The following COG3 variants were observed in gnomAD, a reference collection of about 807,000 sequenced individuals.
COG3 encodes the protein component of oligomeric golgi complex 3, also known as conserved oligomeric Golgi complex subunit 3.
In COG3, 32 loss-of-function variants were observed where a neutral mutation model predicts 114.1. The observed-to-expected ratio is 0.28, with a 90% CI of 0.21 to 0.38. The LOEUF is 0.38. Ranked by LOEUF, COG3 falls within the 10% of genes least tolerant of loss-of-function variation. COG3 has a pLI of 1.00. For missense variants in COG3, 813 were observed against 973.2 expected (o/e 0.84, Z 2.19); for synonymous variants, 352 against 365.7 (o/e 0.96, Z 0.43).
chr13:45,467,517 A>T (rs61953475), intron 1 of COG3, among the ~76,000 whole-genome samples: 1 of 151,400 alleles, frequency 6.6e-6, no homozygotes, highest in Admixed American at 6.6e-5. Flanking sequence ...ACTTGAACCC[A>T]GAAGGCAGAG....
In COG3 at chr13:45,491,439, C is replaced by G. The variant is rs974396451; in HGVS notation, c.996C>G (p.His332Gln). The G allele has an allele frequency of 6.2e-7, 1 of 1,612,272 alleles. No homozygotes were observed. The highest frequency in any genetic ancestry group is 1.3e-5 in the African/African-American group (1 of 74,840). Residue 332 changes from histidine (H) to glutamine (Q), a missense_variant, in exon 10 of 23, where the codon CAC becomes CAG. Transcript: ENST00000349995. ...ACCAACAACTGCTAAATGATATCCA[C>G]CAGTGTTACCTTGATCAGCGGGAGC... ...PEYQQLLNDI[H>Q]QCYLDQRELL...
chr13:45,526,327 C>G (rs1872693151), intron 20 of COG3, among the ~76,000 whole-genome samples: 1 of 151,740 alleles, frequency 6.6e-6, no homozygotes, highest in South Asian at 2.1e-4. Context: ...CTCAGGCGAT[C>G]CGCCCACCTC....
chr13:45,512,028 C>G, intron 16 of COG3, 174 bp downstream of exon 16: 1 of 591,126 alleles, frequency 1.7e-6, no homozygotes, highest in South Asian at 2.0e-5. Flanking sequence ...TAAATAAAGA[C>G]TGTACTATAT....
intron 1 of COG3, chr13:45,466,586 A>G (rs906498917): frequency 6.6e-6 from 1 of 152,200 alleles, no homozygotes; most frequent in Non-Finnish European, 1.5e-5. Context: ...TCAGCTATCA[A>G]ACTCTTTTAT....
At chr13:45,470,816 C>G (rs1323684249) in intron 1 of COG3, among the ~76,000 whole-genome samples, 2 of 152,184 alleles carry the variant, frequency 1.3e-5, no homozygotes, top group East Asian at 3.9e-4. Context: ...TAGTGGTTGC[C>G]TTAGGATTTA....
chr13:45,529,967 T>G lies in COG3; in HGVS notation c.2358+49T>G, dbSNP rs192650444. On this transcript the variant is annotated intron_variant, in intron 21 of 22. Coordinates refer to ENST00000349995, the MANE Select transcript of COG3 (RefSeq NM_031431.4). ...AATGTTGGCGGGTGACTTCAAGTATTCTTTGCCTCATTTACCATTTTCCTT... is the reference window on the plus strand; with the variant it reads ...AATGTTGGCGGGTGACTTCAAGTATGCTTTGCCTCATTTACCATTTTCCTT... The G allele has an allele frequency of 9.0e-6, 14 of 1,561,332 alleles. No individual in the cohort carries two copies. The Admixed American group carries it at 1.8e-4, about 20-fold the overall frequency.
In COG3 at chr13:45,483,212, T is replaced by C. The variant is rs367601870; in HGVS notation, c.718-18T>C. On this transcript the variant is annotated intron_variant, in intron 6 of 22. Transcript: ENST00000349995. ...TGTGTTCATTTCCACTTTGTAAATC[T>C]TTCTCTTTTCCTTACAGCCTAATTT... The C allele has an allele frequency of 1.9e-5, 29 of 1,567,336 alleles. No homozygotes were observed. In the African/African-American group the frequency reaches 3.5e-4, roughly 19 times the overall value.
At chr13:45,505,205 A>G (rs1415625515) in intron 14 of COG3, among the ~76,000 whole-genome samples, 1 of 151,966 alleles carries the variant, frequency 6.6e-6, no homozygotes, top group African/African-American at 2.4e-5. Context: ...AAAAAAAAAA[A>G]GGAAAATATC....
At chr13:45,502,569 A>G (rs1472169897) in intron 13 of COG3, among the ~76,000 whole-genome samples, 1 of 152,046 alleles carries the variant, frequency 6.6e-6, no homozygotes, top group Non-Finnish European at 1.5e-5. Context: ...ACGTGGAATG[A>G]GTGGACTGGC....
chr13:45,493,876 T>C (rs1278342943), intron 12 of COG3: 1 of 154,428 alleles, frequency 6.5e-6, no homozygotes, highest in Non-Finnish European at 1.4e-5. Context: ...GTTTTGTGTA[T>C]ATTCATAATA....
At chr13:45,500,001 G>C (rs1418216808) in intron 13 of COG3, among the ~76,000 whole-genome samples, 1 of 151,664 alleles carries the variant, frequency 6.6e-6, no homozygotes, top group Non-Finnish European at 1.5e-5. Flanking sequence ...CTGGGTCACA[G>C]AGTGAGACAC....
chr13:45,514,837 G>A (rs1221086931), intron 16 of COG3, among the ~76,000 whole-genome samples: 5 of 151,754 alleles, frequency 3.3e-5, no homozygotes, highest in Non-Finnish European at 7.4e-5. Flanking sequence ...TAGTAGAGAC[G>A]GGGTTTCACC....
intron 1 of COG3, among the ~76,000 whole-genome samples, chr13:45,472,117 T>C (rs889165616): frequency 1.4e-5 from 2 of 147,566 alleles, no homozygotes; most frequent in African/African-American, 5.0e-5. Context: ...AGTTGAGTGT[T>C]TTTCTTTTGG....
chr13:45,484,662 G>C (rs1374839747), intron 7 of COG3, among the ~76,000 whole-genome samples: 1 of 145,444 alleles, frequency 6.9e-6, no homozygotes, highest in Non-Finnish European at 1.5e-5. Flanking sequence ...GGATTTGGCA[G>C]GGTCATGGGA....
At chr13:45,488,256 T>C (rs906733649) in intron 8 of COG3, among the ~76,000 whole-genome samples, 6 of 152,100 alleles carry the variant, frequency 3.9e-5, no homozygotes, top group Non-Finnish European at 7.4e-5. Context: ...GAGAGGTTGG[T>C]TAATGGGTAT....
In COG3 at chr13:45,518,833, A is replaced by C; in HGVS notation, c.2002A>C (p.Ile668Leu). The change falls in exon 18 of 23, where the codon ATA becomes CTA. Residue 668 changes from isoleucine to leucine, a missense_variant. By Grantham distance (5) the Ile-to-Leu change is conservative. Around this residue, in one of 2 missense-constraint regions of COG3, gnomAD observed 389 missense variants for 542.6 expected, o/e 0.72. Transcript: ENST00000349995. ...TAGGCTGAATAGCAACAATGCCTTG[A>C]TAGAGTTCTTGTTGGAGGTGAGAAG... ...FFRLNSNNAL[I>L]EFLLEGTPEI... is the part of the protein sequence containing the mutation. 1 of 1,613,988 alleles carries C rather than the reference A, an allele frequency of 6.2e-7. No individual in the cohort carries two copies. Among genetic ancestry groups the C allele is most frequent in the Non-Finnish European group, 8.5e-7 (1 of 1,179,876 alleles).
chr13:45,531,972 C>T (rs1873199054), intron 22 of COG3: 1 of 152,110 alleles, frequency 6.6e-6, no homozygotes. Flanking sequence ...GTGCAGTCCT[C>T]ACCACTATCT....
At chr13:45,491,920 A>G (rs1393720820) in intron 10 of COG3, among the ~76,000 whole-genome samples, 1 of 152,202 alleles carries the variant, frequency 6.6e-6, no homozygotes, top group Non-Finnish European at 1.5e-5. Context: ...CTTTTGAACT[A>G]GAAAAGTAAT....
chr13:45,518,377 C>T (rs1322170824), intron 17 of COG3, among the ~76,000 whole-genome samples: 1 of 152,108 alleles, frequency 6.6e-6, no homozygotes, highest in Non-Finnish European at 1.5e-5. Flanking sequence ...TATTATTCTG[C>T]TTCAAATGAA....
Sources: allele counts gnomAD v4.1 joint callset (sites outside exome capture counted in the v4.1 genomes callset), GRCh38; gene constraint gnomAD v4.1.1; regional missense constraint gnomAD v4.1.1; transcripts MANE v1.5; gene names NCBI Gene and HGNC (gene_info 2026-07-23, HGNC 2026-07-21).